Variants in MTREX observed in about 807,000 individuals in gnomAD.
MTREX encodes Mtr4 exosome RNA helicase.
In MTREX, 76 loss-of-function variants were observed where a neutral mutation model predicts 135.4. That is an observed-to-expected ratio of 0.56 (90% CI 0.47 to 0.68). MTREX has a LOEUF of 0.68. Among genes scored for constraint, MTREX ranks in the 30% least tolerant of loss-of-function variants. The probability of loss-of-function intolerance (pLI) is 0.00; values close to 1 mark genes in which losing one functional copy is unlikely to be tolerated. For missense variants in MTREX, 920 were observed against 1,262.1 expected, an observed-to-expected ratio of 0.73 and a Z score of 4.11; for synonymous variants, 404 against 401.6, an observed-to-expected ratio of 1.01 and a Z score of -0.07.
intron 16 of MTREX, among the ~76,000 whole-genome samples, chr5:55,370,264 G>T (rs1750174760): frequency 6.6e-6 from 1 of 152,042 alleles, no homozygotes; most frequent in South Asian, 2.1e-4. Context: ...CCCCTCTTTT[G>T]TCTCTAGAGC....
chr5:55,402,091 G>A lies in MTREX; in HGVS notation c.2481+1670G>A, dbSNP rs190915169. Among the ~76,000 whole-genome samples, 23 of 152,290 alleles carry A rather than the reference G, an allele frequency of 1.5e-4. 1 individual carries two copies. The highest frequency in any genetic ancestry group is 7.2e-4 in the Admixed American group (11 of 15,302). ...CATGAGTAGAAACTCCTTTAATAGA[G>A]TAATGTGTTCAGTTCATAGTTTTAA... On this transcript the variant is annotated intron_variant, in intron 21 of 26. Transcript: ENST00000230640.
At chr5:55,329,826 G>A (rs1749441500) in intron 5 of MTREX, among the ~76,000 whole-genome samples, 1 of 150,574 alleles carries the variant, frequency 6.6e-6, no homozygotes, top group African/African-American at 2.4e-5. Flanking sequence ...TAAGCAGTTT[G>A]TTTTTTATGT....
rs200853559 is a variant in MTREX at position 55,367,484 on chromosome 5, C to CAA, written c.1810+623_1810+624dup. ...GTGGTGACAAAGGGAGACTCCGACT[C>CAA]AAAAAAAAAAAAAAAGCAGCACATG... is the stretch of plus-strand genomic sequence containing the variant. On this transcript the variant is annotated intron_variant, in intron 16 of 26. Transcript: ENST00000230640. Among the ~76,000 whole-genome samples the CAA allele has an allele frequency of 8.6e-4, 88 of 102,844 alleles. 1 individual carries two copies. The highest frequency in any genetic ancestry group is 2.5e-3 in the African/African-American group (75 of 30,560). The allele number at this position is 102,844 out of a possible 152,430, so 67.5% of individuals were successfully genotyped here. A position where few individuals can be genotyped will look rare whatever the true frequency, so the allele number is the denominator to read the frequency against.
At chr5:55,384,414 G>T (rs77364280) in intron 18 of MTREX, among the ~76,000 whole-genome samples, 5,036 of 152,168 alleles carry the variant, frequency 0.033, 113 homozygotes, top group Non-Finnish European at 0.049. Context: ...CATTGTTATT[G>T]TACCTTTTAC....
At chr5:55,399,412 T>C (rs562574892) in intron 20 of MTREX, among the ~76,000 whole-genome samples, 17 of 152,378 alleles carry the variant, frequency 1.1e-4, no homozygotes, top group African/African-American at 3.8e-4. Flanking sequence ...GTTTCTTCTC[T>C]GTATGAATAT....
At chr5:55,387,361 A>G (rs2111565725) in intron 18 of MTREX, among the ~76,000 whole-genome samples, 1 of 152,206 alleles carries the variant, frequency 6.6e-6, no homozygotes, top group African/African-American at 2.4e-5. Context: ...TCTTTGCTGT[A>G]TAACTTTCCT....
intron 5 of MTREX, among the ~76,000 whole-genome samples, chr5:55,335,011 G>A (rs1023428965): frequency 1.3e-5 from 2 of 151,904 alleles, no homozygotes; most frequent in African/African-American, 2.4e-5. Flanking sequence ...CCTGCTCTTG[G>A]TATTGTCTTT....
chr5:55,378,626 CTGTTTCACA>C, intron 17 of MTREX, 140 bp downstream of exon 17: 1 of 1,042,666 alleles, frequency 9.6e-7, no homozygotes, highest in South Asian at 1.9e-5. Flanking sequence ...ATTATTTTAC[CTGTTTCACA>C]TGGCACTAAC....
intron 5 of MTREX, among the ~76,000 whole-genome samples, chr5:55,336,420 A>C (rs1749553862): frequency 6.6e-6 from 1 of 152,188 alleles, no homozygotes; most frequent in Non-Finnish European, 1.5e-5. Context: ...GAAAATAAAC[A>C]AAAAAATTGA....
At position 55,375,321 on chromosome 5, in the gene MTREX, G is replaced by C. The variant is rs1750277898; in HGVS notation, c.1811-2993G>C. Among the ~76,000 whole-genome samples, 2 of 152,180 alleles carry C rather than the reference G, an allele frequency of 1.3e-5. 1 individual carries two copies. The highest frequency in any genetic ancestry group is 4.1e-4 in the South Asian group (2 of 4,824). The stretch of plus-strand genomic sequence containing the variant: ...GGGAGACTGGGGTCTATTTCACCCC[G>C]GCAGTCTCGAACATAAGAGACAGGT... On this transcript the variant is annotated intron_variant, in intron 16 of 26. Coordinates refer to ENST00000230640, the MANE Select transcript of MTREX (RefSeq NM_015360.5).
intron 2 of MTREX, 126 bp from the exon 3 acceptor site, chr5:55,324,006 G>A: frequency 3.0e-6 from 2 of 661,644 alleles, no homozygotes; most frequent in Non-Finnish European, 5.3e-6. Context: ...AATAGCCAAA[G>A]TTTTTCCTAT....
chr5:55,422,883 A>G lies in MTREX; in HGVS notation c.2977A>G (p.Ile993Val), dbSNP rs1751076503. 3.1e-6 allele frequency: 5 copies of G among 1,612,940 alleles called. No homozygotes were observed. Among genetic ancestry groups the G allele is most frequent in the East Asian group, 2.2e-5 (1 of 44,876 alleles). ...TTTGTTCCTTTTCTATCCAGGCAGCATAATTCGTTGTATGAGGCGCCTGGA... is the reference window on the plus strand; with the variant it reads ...TTTGTTCCTTTTCTATCCAGGCAGCGTAATTCGTTGTATGAGGCGCCTGGA... ...CKMTDVFEGS[I>V]IRCMRRLEEL... The change falls in exon 26 of 27, where the codon ATA becomes GTA. Residue 993 changes from isoleucine to valine, a missense_variant. This residue lies in a region of MTREX where 467 missense variants were observed against 589.7 expected (regional missense o/e 0.79). Coordinates refer to ENST00000230640, the MANE Select transcript of MTREX (RefSeq NM_015360.5).
chr5:55,397,629 A>G, intron 20 of MTREX, 103 bp downstream of exon 20: 1 of 567,508 alleles, frequency 1.8e-6, no homozygotes, highest in Non-Finnish European at 3.0e-6. Flanking sequence ...TTTCTTTCAG[A>G]ATACCTATAA....
At chr5:55,409,908 A>T (rs1398386595) in intron 22 of MTREX, among the ~76,000 whole-genome samples, 1 of 152,136 alleles carries the variant, frequency 6.6e-6, no homozygotes, top group South Asian at 2.1e-4. Context: ...CCTTTGGAAA[A>T]TATGAATTAA....
intron 15 of MTREX, among the ~76,000 whole-genome samples, chr5:55,360,797 T>C (rs1749994870): frequency 6.6e-6 from 1 of 152,218 alleles, no homozygotes; most frequent in Non-Finnish European, 1.5e-5. Flanking sequence ...CAGGTGGTTT[T>C]ACTATCATTA....
chr5:55,339,152 T>A (rs935737354), intron 5 of MTREX, among the ~76,000 whole-genome samples: 1 of 151,980 alleles, frequency 6.6e-6, no homozygotes, highest in Admixed American at 6.6e-5. Flanking sequence ...TTTGAGACAG[T>A]CAGTTTCTTG....
At chr5:55,388,173 A>T in intron 19 of MTREX, 71 bp downstream of exon 19, 1 of 1,378,334 alleles carries the variant, frequency 7.3e-7, no homozygotes, top group Non-Finnish European at 9.9e-7. Flanking sequence ...AAAGTTCTCC[A>T]ATGTGATGGT....
At chr5:55,391,046 C>T (rs1418050851) in intron 19 of MTREX, among the ~76,000 whole-genome samples, 1 of 152,064 alleles carries the variant, frequency 6.6e-6, no homozygotes, top group East Asian at 1.9e-4. Flanking sequence ...AATTTCTTTA[C>T]ATGTCTCATA....
chr5:55,315,217 TA>T (rs950648925), intron 1 of MTREX, among the ~76,000 whole-genome samples: 1 of 152,332 alleles, frequency 6.6e-6, no homozygotes, highest in African/African-American at 2.4e-5. Context: ...TTTTCATCTT[TA>T]AAAAAATTGA....
Sources: allele counts gnomAD v4.1 joint callset (sites outside exome capture counted in the v4.1 genomes callset), GRCh38; gene constraint gnomAD v4.1.1; regional missense constraint gnomAD v4.1.1; transcripts MANE v1.5; gene names NCBI Gene and HGNC (gene_info 2026-07-23, HGNC 2026-07-21).